The following DACH1 variants were observed in gnomAD, a reference collection of about 807,000 sequenced individuals.
DACH1 encodes the protein dachshund family transcription factor 1.
DACH1 carries 12 observed loss-of-function variants against 54.2 expected under a neutral mutation model. The ratio of observed to expected loss-of-function variants is 0.22; its 90% CI spans 0.14 to 0.36. DACH1 has a LOEUF of 0.36. DACH1 is among the 10% of genes least tolerant of loss of function. The probability of loss-of-function intolerance (pLI) is 1.00; values close to 1 mark genes in which losing one functional copy is unlikely to be tolerated. For synonymous variants in DACH1, 386 were observed against 366.2 expected, an observed-to-expected ratio of 1.05 and a Z score of -0.62; for missense variants, 805 against 929.8, an observed-to-expected ratio of 0.87 and a Z score of 1.75.
chr13:71,863,864 G>C (rs567902671), intron 1 of DACH1, among the ~76,000 whole-genome samples: 3 of 149,034 alleles, frequency 2.0e-5, no homozygotes, highest in Non-Finnish European at 3.0e-5. Context: ...AGGATACCGA[G>C]GAGAGTAGAT....
At chr13:71,590,043 T>C (rs993412926) in intron 3 of DACH1, among the ~76,000 whole-genome samples, 2 of 152,066 alleles carry the variant, frequency 1.3e-5, no homozygotes, top group African/African-American at 4.8e-5. Flanking sequence ...TAAACATAAA[T>C]CTTTGAAATG....
chr13:71,832,564 G>A (rs929839024), intron 1 of DACH1, among the ~76,000 whole-genome samples: 1 of 151,910 alleles, frequency 6.6e-6, no homozygotes, highest in South Asian at 2.1e-4. Flanking sequence ...TAAAACTGAT[G>A]TTGAATATTC....
At chr13:71,708,076 C>T (rs940176579) in intron 1 of DACH1, among the ~76,000 whole-genome samples, 3 of 140,300 alleles carry the variant, frequency 2.1e-5, no homozygotes, top group Admixed American at 7.1e-5. Flanking sequence ...AGTTTTATAG[C>T]AAAAAACAAA....
chr13:71,578,698 G>A (rs1885686401), intron 3 of DACH1, among the ~76,000 whole-genome samples: 1 of 152,078 alleles, frequency 6.6e-6, no homozygotes, highest in South Asian at 2.1e-4. Flanking sequence ...AATCTTCTAG[G>A]GATATAATTA....
At chr13:71,571,168 A>T (rs1427280907) in intron 4 of DACH1, among the ~76,000 whole-genome samples, 1 of 152,194 alleles carries the variant, frequency 6.6e-6, no homozygotes, top group East Asian at 1.9e-4. Context: ...TAAAAATTAC[A>T]TAATTAATAT....
intron 1 of DACH1, among the ~76,000 whole-genome samples, chr13:71,690,199 G>T (rs1046328051): frequency 3.3e-5 from 5 of 152,106 alleles, no homozygotes; most frequent in African/African-American, 9.7e-5. Flanking sequence ...AATATTTTGT[G>T]AGACTGAAAT....
chr13:71,715,730 T>C (rs1306100204), intron 1 of DACH1, among the ~76,000 whole-genome samples: 1 of 151,948 alleles, frequency 6.6e-6, no homozygotes, highest in African/African-American at 2.4e-5. Context: ...ACTTTCAGTC[T>C]CGGGGAACAA....
At chr13:71,699,851 A>G (rs1357293950) in intron 1 of DACH1, among the ~76,000 whole-genome samples, 1 of 152,170 alleles carries the variant, frequency 6.6e-6, no homozygotes, top group Admixed American at 6.5e-5. Context: ...TTTATAGCCA[A>G]CTATATGAAA....
chr13:71,792,801 C>T (rs1045636084), intron 1 of DACH1, among the ~76,000 whole-genome samples: 1 of 152,060 alleles, frequency 6.6e-6, no homozygotes, highest in Non-Finnish European at 1.5e-5. Context: ...TAATATGCCA[C>T]ATTCAGTTGG....
At chr13:71,565,136 G>C in intron 4 of DACH1, among the ~76,000 whole-genome samples, 1 of 152,048 alleles carries the variant, frequency 6.6e-6, no homozygotes, top group East Asian at 1.9e-4. Context: ...CGGTCAGGCT[G>C]GTCTAAGTGA....
chr13:71,573,542 T>C, intron 3 of DACH1: 2 of 647,156 alleles, frequency 3.1e-6, no homozygotes, highest in Admixed American at 2.8e-5. Context: ...AAGAGGGCAG[T>C]GTTTCCTTAT....
chr13:71,609,998 A>C (rs1875197886), intron 3 of DACH1, among the ~76,000 whole-genome samples: 1 of 152,194 alleles, frequency 6.6e-6, no homozygotes, highest in Non-Finnish European at 1.5e-5. Flanking sequence ...TATAAATTTG[A>C]AATGAAGAAC....
chr13:71,826,126 AC>A (rs1329336973), intron 1 of DACH1, among the ~76,000 whole-genome samples: 1 of 152,138 alleles, frequency 6.6e-6, no homozygotes, highest in Non-Finnish European at 1.5e-5. Flanking sequence ...ATTAAAAGTT[AC>A]ATTTTACAGC....
intron 6 of DACH1, among the ~76,000 whole-genome samples, chr13:71,520,939 T>C (rs890117794): frequency 1.3e-5 from 2 of 152,024 alleles, no homozygotes; most frequent in South Asian, 4.1e-4. Context: ...TTCCCACTTA[T>C]AAAGCATACA....
At chr13:71,595,601 T>C (rs1874041493) in intron 3 of DACH1, among the ~76,000 whole-genome samples, 1 of 152,110 alleles carries the variant, frequency 6.6e-6, no homozygotes, top group Non-Finnish European at 1.5e-5. Context: ...TCTTAGTTTG[T>C]TCAGACTGCT....
At chr13:71,512,034 T>C (rs1362939132) in intron 6 of DACH1, among the ~76,000 whole-genome samples, 1 of 151,992 alleles carries the variant, frequency 6.6e-6, no homozygotes, top group Non-Finnish European at 1.5e-5. Flanking sequence ...CTTGGTTCCA[T>C]GCTCAAAACG....
At chr13:71,657,977 C>T (rs1372503816) in intron 2 of DACH1, among the ~76,000 whole-genome samples, 1 of 152,020 alleles carries the variant, frequency 6.6e-6, no homozygotes, top group Non-Finnish European at 1.5e-5. Flanking sequence ...CTTTGATATC[C>T]AGTTTTAAAA....
At chr13:71,662,639 G>A (rs1419226210) in intron 2 of DACH1, among the ~76,000 whole-genome samples, 1 of 151,948 alleles carries the variant, frequency 6.6e-6, no homozygotes, top group Non-Finnish European at 1.5e-5. Context: ...GTCAGTGATT[G>A]CCTTGAATCT....
At chr13:71,633,461 T>A (rs960782445) in intron 2 of DACH1, among the ~76,000 whole-genome samples, 11 of 152,298 alleles carry the variant, frequency 7.2e-5, no homozygotes, top group African/African-American at 2.6e-4. Context: ...GGTGACTGGA[T>A]TAGCCCCTGA....
Sources: gnomAD v4.1 joint callset for allele counts (sites outside exome capture counted in the v4.1 genomes callset) on GRCh38, gnomAD v4.1.1 for gene constraint, MANE v1.5 for transcripts, NCBI Gene and HGNC (gene_info 2026-07-23, HGNC 2026-07-21) for gene names.